RNLS: variants seen among roughly 807,000 people sequenced by gnomAD.
RNLS encodes renalase, FAD dependent amine oxidase.
Under a neutral mutation model 39.8 loss-of-function variants are expected in RNLS, and 39 were observed. The ratio of observed to expected loss-of-function variants is 0.98; its 90% CI spans 0.76 to 1.28. The LOEUF is 1.28. RNLS is among the 50% of genes most tolerant of loss of function. The pLI, the probability that RNLS is intolerant of heterozygous loss-of-function variation, is 0.00. For missense variants in RNLS, 410 were observed against 413.3 expected (o/e 0.99, Z 0.07); for synonymous variants, 147 against 150.7 (o/e 0.98, Z 0.18).
At chr10:88,179,305 G>A in the RNLS span, among the ~76,000 whole-genome samples, 1 of 152,216 alleles carries the variant, frequency 6.6e-6, no homozygotes, top group Admixed American at 6.5e-5. Context: ...TTTCAGTGAG[G>A]AAGCATGTGG....
intron 5 of RNLS, among the ~76,000 whole-genome samples, chr10:88,348,237 A>G (rs571431515): frequency 6.6e-6 from 1 of 152,166 alleles, no homozygotes; most frequent in Admixed American, 6.5e-5. Flanking sequence ...CTCATCTATG[A>G]CCTATAAATT....
At chr10:88,329,626 TA>T (rs772916697) in intron 5 of RNLS, among the ~76,000 whole-genome samples, 35 of 152,144 alleles carry the variant, frequency 2.3e-4, no homozygotes, top group Non-Finnish European at 2.4e-4. Context: ...CATGAAATTC[TA>T]ATTAGGGATA....
intron 5 of RNLS, among the ~76,000 whole-genome samples, chr10:88,358,342 G>A (rs1464183047): frequency 6.6e-6 from 1 of 152,164 alleles, no homozygotes; most frequent in African/African-American, 2.4e-5. Flanking sequence ...AAGCATGAAA[G>A]GTGACATCAA....
intron 4 of RNLS, among the ~76,000 whole-genome samples, chr10:88,438,316 T>C (rs757821328): frequency 3.9e-5 from 6 of 152,126 alleles, no homozygotes; most frequent in Admixed American, 6.5e-5. Context: ...ATGGTGACTT[T>C]ATTGAGCTGC....
the RNLS span, among the ~76,000 whole-genome samples, chr10:88,252,353 T>C: frequency 6.6e-6 from 1 of 152,210 alleles, no homozygotes; most frequent in Non-Finnish European, 1.5e-5. Context: ...TTATAACAAG[T>C]TGTGGAAGAG....
chr10:88,351,994 G>T (rs1848754091), intron 5 of RNLS, among the ~76,000 whole-genome samples: 1 of 151,938 alleles, frequency 6.6e-6, no homozygotes, highest in Non-Finnish European at 1.5e-5. Context: ...TCATGATTTG[G>T]CTCTCTGTCT....
At chr10:88,282,052 A>C (rs565092531), downstream of RNLS, among the ~76,000 whole-genome samples, 8 of 152,156 alleles carry the variant, frequency 5.3e-5, no homozygotes, top group Admixed American at 5.2e-4. Context: ...TGTCATTAGC[A>C]TGCAGCTATT....
At chr10:88,322,426 G>A (rs980777291) in intron 5 of RNLS, among the ~76,000 whole-genome samples, 2 of 152,144 alleles carry the variant, frequency 1.3e-5, no homozygotes, top group African/African-American at 4.8e-5. Context: ...ATGTGTCGGG[G>A]GTTGGGGGTG....
intron 3 of RNLS, among the ~76,000 whole-genome samples, chr10:88,579,403 G>T (rs975632269): frequency 2.6e-5 from 4 of 152,082 alleles, no homozygotes; most frequent in South Asian, 4.2e-4. Context: ...TGGCTGGTTT[G>T]GGGGGAAAAG....
intron 1 of RNLS, 73 bp from the exon 2 acceptor site, chr10:88,582,380 G>GATTGAT: frequency 6.0e-6 from 7 of 1,173,554 alleles, no homozygotes; most frequent in Non-Finnish European, 7.3e-6. Context: ...TGCACCTTAG[G>GATTGAT]TTACCCCAAA....
the RNLS span, among the ~76,000 whole-genome samples, chr10:88,199,769 G>A: frequency 6.6e-6 from 1 of 152,116 alleles, no homozygotes; most frequent in African/African-American, 2.4e-5. Flanking sequence ...TAAACAAGAC[G>A]AAGTCATTCC....
At chr10:88,377,722 T>C (rs1011907347) in intron 4 of RNLS, among the ~76,000 whole-genome samples, 2 of 152,238 alleles carry the variant, frequency 1.3e-5, no homozygotes, top group African/African-American at 4.8e-5. Context: ...CAATGGTGAA[T>C]GAATGTGAAG....
intron 4 of RNLS, among the ~76,000 whole-genome samples, chr10:88,562,964 A>C (rs1036746545): frequency 1.3e-5 from 2 of 152,186 alleles, no homozygotes; most frequent in Admixed American, 6.6e-5. Flanking sequence ...TCTTATTCAC[A>C]ATCTCCATAA....
the RNLS span, among the ~76,000 whole-genome samples, chr10:88,264,797 CT>C: frequency 2.2e-4 from 33 of 152,288 alleles, no homozygotes; most frequent in African/African-American, 6.7e-4. Context: ...TTTGTTTACT[CT>C]GCTGATTGTT....
In RNLS at chr10:88,301,191, T is replaced by C. The variant is rs1017002304; in HGVS notation, c.876+13275A>G. Among the ~76,000 whole-genome samples, 3 of 152,362 alleles carry C rather than the reference T, an allele frequency of 2.0e-5. No homozygotes were observed. In the East Asian group the frequency reaches 5.8e-4, roughly 29 times the overall value. On this transcript the variant is annotated intron_variant, in intron 6 of 6. Coordinates refer to ENST00000331772, the MANE Select transcript of RNLS (RefSeq NM_001031709.3). The stretch of plus-strand genomic sequence containing the variant: ...ATGTGTTAAAACATTTAATAGTTTA[T>C]GTAATATGGAATTTTGCGAAAAGGG...
chr10:88,318,711 T>C (rs578152589), intron 5 of RNLS, among the ~76,000 whole-genome samples: 166 of 152,274 alleles, frequency 1.1e-3, no homozygotes, highest in African/African-American at 3.7e-3. Flanking sequence ...GGTATATCAG[T>C]AGCCCATAGC....
chr10:88,337,553 G>A (rs1847594286), intron 5 of RNLS, among the ~76,000 whole-genome samples: 1 of 152,140 alleles, frequency 6.6e-6, no homozygotes, highest in Non-Finnish European at 1.5e-5. Flanking sequence ...AAATGGTCTT[G>A]CTCTCTCTCT....
At chr10:88,446,064 G>A (rs1842015011) in intron 4 of RNLS, among the ~76,000 whole-genome samples, 2 of 152,200 alleles carry the variant, frequency 1.3e-5, no homozygotes, top group Non-Finnish European at 2.9e-5. Flanking sequence ...ATAGTTGGAA[G>A]TAAAGCACTC....
chr10:88,198,078 C>T, the RNLS span, among the ~76,000 whole-genome samples: 1 of 152,214 alleles, frequency 6.6e-6, no homozygotes, highest in Non-Finnish European at 1.5e-5. Context: ...GACTCTTGAT[C>T]CCACCTCTAG....
Sources: gnomAD v4.1 joint callset for allele counts (sites outside exome capture counted in the v4.1 genomes callset) on GRCh38, gnomAD v4.1.1 for gene constraint, MANE v1.5 for transcripts, NCBI Gene and HGNC (gene_info 2026-07-23, HGNC 2026-07-21) for gene names.